Variants in TNKS observed in about 807,000 individuals in gnomAD.
The protein encoded by TNKS is tankyrase.
A neutral mutation model predicts 135.8 loss-of-function variants in TNKS; 72 were observed. That is an observed-to-expected ratio of 0.53 (90% CI 0.44 to 0.64). TNKS has a LOEUF of 0.64. TNKS is among the 30% of genes least tolerant of loss of function. TNKS has a pLI of 0.00. For synonymous variants in TNKS, 849 were observed against 649.3 expected (o/e 1.31, Z -4.68); for missense variants, 1,769 against 1,674.0 (o/e 1.06, Z -0.99).
intron 21 of TNKS, among the ~76,000 whole-genome samples, chr8:9,762,684 T>C (rs536376464): frequency 6.6e-6 from 1 of 152,208 alleles, no homozygotes; most frequent in African/African-American, 2.4e-5. Context: ...AGGCAGATCA[T>C]GAGGTCAGGA....
chr8:9,758,618 C>T (rs1341651393), intron 20 of TNKS, among the ~76,000 whole-genome samples: 1 of 152,168 alleles, frequency 6.6e-6, no homozygotes, highest in Non-Finnish European at 1.5e-5. Context: ...GGCTCAAGGT[C>T]TGTCCTGAAG....
intron 3 of TNKS, among the ~76,000 whole-genome samples, chr8:9,648,588 A>G (rs1161160878): frequency 6.6e-6 from 1 of 152,182 alleles, no homozygotes; most frequent in African/African-American, 2.4e-5. Flanking sequence ...TATTTCATGT[A>G]TTGTATGTGC....
At chr8:9,626,293 T>A (rs1800050979) in intron 3 of TNKS, among the ~76,000 whole-genome samples, 4 of 152,232 alleles carry the variant, frequency 2.6e-5, no homozygotes, top group African/African-American at 9.6e-5. Context: ...ATCATTATAT[T>A]TGAACTGAAT....
At position 9,636,862 on chromosome 8, in the gene TNKS, C is replaced by T. The variant is rs532429588; in HGVS notation, c.994+21185C>T. 2.4e-4 allele frequency among the ~76,000 whole-genome samples: 36 copies of T among 152,284 alleles called. No homozygotes were observed. In the East Asian group the frequency reaches 6.7e-3, roughly 29 times the overall value. ...CTTCTTAGCTTTGTATATATGACTGCAATATGTAAGTAATCACTACTTTCT... is the reference window on the plus strand; with the variant it reads ...CTTCTTAGCTTTGTATATATGACTGTAATATGTAAGTAATCACTACTTTCT... On this transcript the variant is annotated intron_variant, in intron 3 of 26. Transcript: ENST00000310430.
Position 9,751,799 on chromosome 8 carries a change from C to G in TNKS, c.3023C>G (p.Ser1008Cys), listed in dbSNP as rs770299744. ...GCAGAGTTGGCCGTAGGAGGAGCCTCCAATGCAGGGGATGGCGCCGCGGGA... is the reference window on the plus strand; with the variant it reads ...GCAGAGTTGGCCGTAGGAGGAGCCTGCAATGCAGGGGATGGCGCCGCGGGA... ...PLAELAVGGA[S>C]NAGDGAAGTE... The change falls in exon 19 of 27, where the codon TCC becomes TGC. Residue 1008 changes from serine to cysteine, a missense_variant. By Grantham distance (112) the Ser-to-Cys change is moderately radical. Transcript: ENST00000310430. 76 of 1,613,972 alleles carry G rather than the reference C, an allele frequency of 4.7e-5. No individual in the cohort carries two copies. The highest frequency in any genetic ancestry group is 6.2e-5 in the Non-Finnish European group (73 of 1,180,040).
chr8:9,659,637 AG>A, intron 3 of TNKS, among the ~76,000 whole-genome samples: 1 of 152,348 alleles, frequency 6.6e-6, no homozygotes, highest in East Asian at 1.9e-4. Context: ...AAAGCAGGAA[AG>A]ATCTAAAATT....
intron 14 of TNKS, among the ~76,000 whole-genome samples, chr8:9,732,651 G>A (rs1805502004): frequency 6.7e-6 from 1 of 149,322 alleles, no homozygotes; most frequent in African/African-American, 2.5e-5. Context: ...TTATTCTTTT[G>A]ATGTACTCTT....
At position 9,708,394 on chromosome 8, in the gene TNKS, C is replaced by T; in HGVS notation, c.1480C>T (p.Leu494=). The T allele has an allele frequency of 1.2e-6, 2 of 1,606,748 alleles. No homozygotes were observed. The highest frequency in any genetic ancestry group is 1.7e-6 in the Non-Finnish European group (2 of 1,176,354). Residue 494 remains leucine (L), a synonymous_variant, in exon 9 of 27, where the codon CTA becomes TTA. Coordinates refer to ENST00000310430, the MANE Select transcript of TNKS (RefSeq NM_003747.3). ...LTYEFKGHSL[L]QAAREADLAK... ...AGATGAATTTAAAGGTCATTCTTTA[C>T]TACAAGCAGCCAGAGAAGCAGACTT...
intron 5 of TNKS, among the ~76,000 whole-genome samples, chr8:9,694,761 C>CAA (rs58723864): frequency 1.5e-5 from 2 of 132,222 alleles, no homozygotes; most frequent in African/African-American, 2.8e-5. Context: ...GACTCTGTCT[C>CAA]AAAAAAAAAA....
intron 5 of TNKS, among the ~76,000 whole-genome samples, chr8:9,698,977 C>T (rs1355353699): frequency 2.0e-5 from 3 of 152,086 alleles, no homozygotes; most frequent in African/African-American, 4.8e-5. Flanking sequence ...ATTTAGATAG[C>T]TTTTGTATTT....
At chr8:9,576,819 A>G (rs1409720773) in intron 1 of TNKS, among the ~76,000 whole-genome samples, 1 of 152,174 alleles carries the variant, frequency 6.6e-6, no homozygotes, top group Non-Finnish European at 1.5e-5. Flanking sequence ...GAAGTTGACA[A>G]AAATAATGTG....
chr8:9,663,297 C>T (rs1341700579), intron 3 of TNKS, among the ~76,000 whole-genome samples: 1 of 152,172 alleles, frequency 6.6e-6, no homozygotes, highest in Non-Finnish European at 1.5e-5. Flanking sequence ...AAGTGTTTGA[C>T]CTTTTGTTGC....
In TNKS at chr8:9,710,056, A is replaced by G; in HGVS notation, c.1670+10A>G. ...ATGAAAAAAATAAAGAGTAAGTATAATTGCAGAAGGAGTTGTTCAGTTCCT... is the reference window on the plus strand; with the variant it reads ...ATGAAAAAAATAAAGAGTAAGTATAGTTGCAGAAGGAGTTGTTCAGTTCCT... On this transcript the variant is annotated intron_variant, in intron 10 of 26. Coordinates refer to ENST00000310430, the MANE Select transcript of TNKS (RefSeq NM_003747.3). 1 of 1,612,332 alleles carries G rather than the reference A, an allele frequency of 6.2e-7. No homozygotes were observed. The highest frequency in any genetic ancestry group is 1.1e-5 in the South Asian group (1 of 91,026).
intron 6 of TNKS, 59 bp from the exon 7 acceptor site, chr8:9,706,128 G>A (rs992041706): frequency 8.1e-6 from 10 of 1,228,540 alleles, no homozygotes; most frequent in East Asian, 5.2e-5. Context: ...TTCTTAGTAC[G>A]ACATGGATAA....
In TNKS at chr8:9,647,473, G is replaced by A. The variant is rs934549642; in HGVS notation, c.994+31796G>A. 5.9e-5 allele frequency among the ~76,000 whole-genome samples: 9 copies of A among 152,036 alleles called. No individual in the cohort carries two copies. The East Asian group carries it at 7.7e-4, about 13-fold the overall frequency. On this transcript the variant is annotated intron_variant, in intron 3 of 26. Coordinates refer to ENST00000310430, the MANE Select transcript of TNKS (RefSeq NM_003747.3). Reference sequence around the variant, plus strand: ...TTTTGCCACTGTTGAGCAAAAATACGGAAAAGTAAAATACTCTAAATGGAA... The same window carrying A: ...TTTTGCCACTGTTGAGCAAAAATACAGAAAAGTAAAATACTCTAAATGGAA...
At chr8:9,745,792 T>A (rs900300809) in intron 17 of TNKS, among the ~76,000 whole-genome samples, 5 of 152,234 alleles carry the variant, frequency 3.3e-5, no homozygotes, top group Non-Finnish European at 5.9e-5. Flanking sequence ...TCTGTACTTT[T>A]GTTTTTAGAT....
At chr8:9,610,254 G>A (rs944898115) in intron 2 of TNKS, among the ~76,000 whole-genome samples, 2 of 151,742 alleles carry the variant, frequency 1.3e-5, no homozygotes, top group Non-Finnish European at 2.9e-5. Flanking sequence ...AATAAGTAAT[G>A]TGTATTTTGG....
intron 12 of TNKS, among the ~76,000 whole-genome samples, chr8:9,721,830 G>T (rs1309863557): frequency 6.6e-6 from 1 of 151,962 alleles, no homozygotes; most frequent in African/African-American, 2.4e-5. Context: ...GAGGTGGGCG[G>T]ATCACGAGGT....
chr8:9,774,136 A>C lies in TNKS; in HGVS notation c.3898-2514A>C, dbSNP rs185839767. Among the ~76,000 whole-genome samples the C allele has an allele frequency of 4.6e-5, 7 of 152,332 alleles. No homozygotes were observed. In the East Asian group the frequency reaches 1.3e-3, roughly 29 times the overall value. ...TGATTATTACATATGATTGGACTTA[A>C]GATGTCAGTGGTATTTGTTTATGTT... On this transcript the variant is annotated intron_variant, in intron 26 of 26. Coordinates refer to ENST00000310430, the MANE Select transcript of TNKS (RefSeq NM_003747.3).
Sources: gnomAD v4.1 joint callset for allele counts (sites outside exome capture counted in the v4.1 genomes callset) on GRCh38, gnomAD v4.1.1 for gene constraint, MANE v1.5 for transcripts, NCBI Gene and HGNC (gene_info 2026-07-23, HGNC 2026-07-21) for gene names.